Variants in NUDT19 observed in about 807,000 individuals in gnomAD.
NUDT19 encodes nudix hydrolase 19.
NUDT19 carries 31 observed loss-of-function variants against 22.2 expected under a neutral mutation model. The observed-to-expected ratio is 1.40, with a 90% CI of 1.05 to 1.89. The LOEUF is 1.89. Among genes scored for constraint, NUDT19 ranks in the 40% most tolerant of loss-of-function variants. NUDT19 has a pLI of 0.00. For missense variants in NUDT19, 752 were observed against 514.2 expected, an observed-to-expected ratio of 1.46 and a Z score of -4.47; for synonymous variants, 325 against 230.8, an observed-to-expected ratio of 1.41 and a Z score of -3.70.
Position 32,691,835 on chromosome 19 carries a change from A to C in NUDT19, c.-126A>C. On this transcript the variant is annotated 5_prime_UTR_variant, in exon 1 of 3. Transcript: ENST00000397061. ...CGTTGCCGACCAAACGCCCAGGTTC[A>C]CCCAACGCCAGAGGCTCGTCCTCAA... 1 of 480,840 alleles carries C rather than the reference A, an allele frequency of 2.1e-6. No homozygotes were observed. The highest frequency in any genetic ancestry group is 3.2e-6 in the Non-Finnish European group (1 of 316,570). The allele number at this position is 480,840 out of a possible 1,614,324, so 29.8% of individuals were successfully genotyped here.
At position 32,709,300 on chromosome 19, in the gene NUDT19, A is replaced by G; in HGVS notation, c.830A>G (p.His277Arg). The G allele has an allele frequency of 6.2e-7, 1 of 1,614,146 alleles. No homozygotes were observed. Among genetic ancestry groups the G allele is most frequent in the Non-Finnish European group, 8.5e-7 (1 of 1,180,012 alleles). ...LANFASLSDL[H>R]KFCLGRALEG... ...AACTTTGCCTCTCTCTCTGACTTGC[A>G]CAAATTTTGTTTGGGTCGTGCATTA... The change falls in exon 2 of 3, where the codon CAC becomes CGC. Residue 277 changes from histidine (H) to arginine (R), a missense_variant. Coordinates refer to ENST00000397061, the MANE Select transcript of NUDT19 (RefSeq NM_001105570.2).
At chr19:32,709,414 G>T (rs1432964921) in intron 2 of NUDT19, 22 bp downstream of exon 2, 1 of 1,599,772 alleles carries the variant, frequency 6.3e-7, no homozygotes, top group Admixed American at 1.7e-5. Context: ...AAGCATCGGT[G>T]CTTTTGTTAG....
chr19:32,700,258 G>A (rs182182197), intron 1 of NUDT19, among the ~76,000 whole-genome samples: 25 of 152,278 alleles, frequency 1.6e-4, no homozygotes, highest in Non-Finnish European at 3.2e-4. Flanking sequence ...AGTGCTGAGT[G>A]GTCCATTTTA....
chr19:32,702,135 T>C (rs1269883608), intron 1 of NUDT19, among the ~76,000 whole-genome samples: 3 of 152,184 alleles, frequency 2.0e-5, no homozygotes, highest in Non-Finnish European at 4.4e-5. Flanking sequence ...AGGAGAGTGC[T>C]GTAAAAAGTT....
chr19:32,707,238 C>G (rs1019286898), intron 1 of NUDT19, among the ~76,000 whole-genome samples: 1 of 152,174 alleles, frequency 6.6e-6, no homozygotes, highest in African/African-American at 2.4e-5. Context: ...TGAACTCATA[C>G]GGTTGCCTTG....
intron 1 of NUDT19, among the ~76,000 whole-genome samples, chr19:32,699,025 C>T (rs905084550): frequency 3.9e-5 from 6 of 152,158 alleles, no homozygotes; most frequent in South Asian, 2.1e-4. Flanking sequence ...CTGAGGCTCC[C>T]GATATCCTAG....
chr19:32,713,194 T>G lies in NUDT19; in HGVS notation c.*1237T>G, dbSNP rs910752017. The G allele has an allele frequency of 3.3e-5, 5 of 152,204 alleles. No homozygotes were observed. Among genetic ancestry groups the G allele is most frequent in the Non-Finnish European group, 7.3e-5 (5 of 68,046 alleles). 9.4% of individuals were successfully genotyped at this position (152,204 alleles called of 1,614,324 possible). On this transcript the variant is annotated 3_prime_UTR_variant, in exon 3 of 3. Coordinates refer to ENST00000397061, the MANE Select transcript of NUDT19 (RefSeq NM_001105570.2). The stretch of plus-strand genomic sequence containing the variant: ...ATTTATTTTTGAGACAGAGTCTCGC[T>G]CTGTTGCCCAGGCTGGAGTACAATG...
chr19:32,692,705 C>A lies in NUDT19; in HGVS notation c.714+31C>A, dbSNP rs745789366. On this transcript the variant is annotated intron_variant, in intron 1 of 2. Coordinates refer to ENST00000397061, the MANE Select transcript of NUDT19 (RefSeq NM_001105570.2). Reference sequence around the variant, plus strand: ...GCCTGCTCAGGGCCTTGCTGCGGACCGCCAGGACGTGAGAGGGAGGACCCC... The same window carrying A: ...GCCTGCTCAGGGCCTTGCTGCGGACAGCCAGGACGTGAGAGGGAGGACCCC... 6.3e-6 allele frequency: 9 copies of A among 1,418,930 alleles called. No homozygotes were observed. The African/African-American group carries it at 1.1e-4, about 17-fold the overall frequency. The allele number at this position is 1,418,930 out of a possible 1,614,324, so 87.9% of individuals were successfully genotyped here. A position where few individuals can be genotyped will look rare whatever the true frequency, so the allele number is the denominator to read the frequency against.
chr19:32,706,363 G>A (rs1459510571), intron 1 of NUDT19, among the ~76,000 whole-genome samples: 2 of 152,104 alleles, frequency 1.3e-5, no homozygotes, highest in Non-Finnish European at 2.9e-5. Context: ...TTTACTACAC[G>A]AATTGTTATC....
chr19:32,711,815 C>T lies in NUDT19; in HGVS notation c.986C>T (p.Thr329Ile). 6.2e-7 allele frequency: 1 copy of T among 1,613,664 alleles called. No individual in the cohort carries two copies. Among genetic ancestry groups the T allele is most frequent in the Non-Finnish European group, 8.5e-7 (1 of 1,179,672 alleles). ...AATCTTATGTCTACTGAAAAAAAGA[C>T]TGAGGAAATCATGAAGGAAGGCAAG... Reference protein sequence around the residue: ...LENLMSTEKKTEEIMKEGKQF... With the variant: ...LENLMSTEKKIEEIMKEGKQF... The change falls in exon 3 of 3, where the codon ACT (threonine) becomes ATT (isoleucine). Residue 329 changes from threonine to isoleucine, a missense_variant. Physicochemically the swap from Thr to Ile is moderately conservative, Grantham distance 89 (BLOSUM62 -1). Transcript: ENST00000397061.
At chr19:32,698,390 G>T (rs1268906331) in intron 1 of NUDT19, among the ~76,000 whole-genome samples, 1 of 152,094 alleles carries the variant, frequency 6.6e-6, no homozygotes, top group Non-Finnish European at 1.5e-5. Flanking sequence ...ATGCCTGAGT[G>T]TTTCCCATCT....
intron 1 of NUDT19, among the ~76,000 whole-genome samples, chr19:32,693,629 C>T (rs1286623793): frequency 6.7e-6 from 1 of 149,280 alleles, no homozygotes; most frequent in Non-Finnish European, 1.5e-5. Flanking sequence ...TCCATTTTTA[C>T]AGAGTGCGGA....
In NUDT19 at chr19:32,692,691, G is replaced by C. The variant is rs1968212333; in HGVS notation, c.714+17G>C. ...GGCTACCAGGTAAGGCCTGCTCAGG[G>C]CCTTGCTGCGGACCGCCAGGACGTG... On this transcript the variant is annotated intron_variant, in intron 1 of 2. Transcript: ENST00000397061. The C allele has an allele frequency of 6.9e-7, 1 of 1,448,984 alleles. No individual in the cohort carries two copies. The highest frequency in any genetic ancestry group is 2.6e-5 in the Admixed American group (1 of 38,022). 89.8% of individuals were successfully genotyped at this position (1,448,984 alleles called of 1,614,324 possible). A position where few individuals can be genotyped will look rare whatever the true frequency, so the allele number is the denominator to read the frequency against.
intron 1 of NUDT19, among the ~76,000 whole-genome samples, chr19:32,698,933 C>T (rs1968298551): frequency 6.6e-6 from 1 of 152,156 alleles, no homozygotes; most frequent in African/African-American, 2.4e-5. Flanking sequence ...GAGGGCCATA[C>T]CCTGAGGGAG....
chr19:32,692,909 C>A (rs1024221731), intron 1 of NUDT19, among the ~76,000 whole-genome samples: 1 of 152,274 alleles, frequency 6.6e-6, no homozygotes, highest in East Asian at 1.9e-4. Flanking sequence ...CCTGTCTCTC[C>A]ACGTGGTTCC....
intron 1 of NUDT19, among the ~76,000 whole-genome samples, chr19:32,698,974 G>C (rs1485075656): frequency 6.6e-6 from 1 of 152,174 alleles, no homozygotes; most frequent in African/African-American, 2.4e-5. Flanking sequence ...GAAGAGTGAA[G>C]CCTTTTATCC....
chr19:32,701,793 C>A (rs768757760), intron 1 of NUDT19, among the ~76,000 whole-genome samples: 1 of 152,114 alleles, frequency 6.6e-6, no homozygotes, highest in Admixed American at 6.6e-5. Context: ...GCCCCTCTGA[C>A]TTTCTTTTGA....
intron 1 of NUDT19, among the ~76,000 whole-genome samples, chr19:32,699,064 T>C (rs1386107755): frequency 6.6e-6 from 1 of 152,170 alleles, no homozygotes; most frequent in Non-Finnish European, 1.5e-5. Flanking sequence ...TTAGGCCTGC[T>C]TTTCTGAGGA....
chr19:32,693,082 C>T (rs950113765), intron 1 of NUDT19, among the ~76,000 whole-genome samples: 1 of 152,212 alleles, frequency 6.6e-6, no homozygotes, highest in Non-Finnish European at 1.5e-5. Flanking sequence ...GTGTTGCACA[C>T]CCAGGCTCGT....
Sources: allele counts gnomAD v4.1 joint callset (sites outside exome capture counted in the v4.1 genomes callset), GRCh38; gene constraint gnomAD v4.1.1; transcripts MANE v1.5; gene names NCBI Gene and HGNC (gene_info 2026-07-23, HGNC 2026-07-21).